Variants in NFIB observed in about 807,000 individuals in gnomAD.
NFIB encodes nuclear factor 1 B-type.
A neutral mutation model predicts 61.5 loss-of-function variants in NFIB; 11 were observed. The ratio of observed to expected loss-of-function variants is 0.18; its 90% CI spans 0.11 to 0.30. The LOEUF (loss-of-function observed/expected upper bound fraction) is 0.30, where lower values mean the gene tolerates loss of function less well. Ranked by LOEUF, NFIB falls within the 10% of genes least tolerant of loss-of-function variation. The probability of loss-of-function intolerance (pLI) is 1.00; values close to 1 mark genes in which losing one functional copy is unlikely to be tolerated. For missense variants in NFIB, 471 were observed against 608.9 expected, an observed-to-expected ratio of 0.77 and a Z score of 2.38; for synonymous variants, 260 against 216.5, an observed-to-expected ratio of 1.20 and a Z score of -1.76.
chr9:14,144,185 T>C (rs1439218822), intron 6 of NFIB, among the ~76,000 whole-genome samples: 1 of 152,142 alleles, frequency 6.6e-6, no homozygotes, highest in Non-Finnish European at 1.5e-5. Flanking sequence ...CAGTTTCCCT[T>C]CTACTTTTCA....
chr9:14,514,605 C>A, the NFIB span, among the ~76,000 whole-genome samples: 1 of 152,116 alleles, frequency 6.6e-6, no homozygotes, highest in Non-Finnish European at 1.5e-5. Context: ...TGTTAGAGAA[C>A]TGAAGGAGAT....
chr9:14,521,798 A>T, the NFIB span, among the ~76,000 whole-genome samples: 2 of 152,190 alleles, frequency 1.3e-5, no homozygotes, highest in African/African-American at 4.8e-5. Flanking sequence ...CCAGAGATTG[A>T]GGTGCTATCC....
chr9:14,282,368 T>C (rs778986410), intron 2 of NFIB, among the ~76,000 whole-genome samples: 34 of 152,150 alleles, frequency 2.2e-4, no homozygotes, highest in Non-Finnish European at 4.7e-4. Context: ...TGTTCTCAGA[T>C]AAAAAATCGT....
At chr9:14,170,264 T>C (rs1254700865) in intron 3 of NFIB, among the ~76,000 whole-genome samples, 3 of 152,248 alleles carry the variant, frequency 2.0e-5, no homozygotes, top group Middle Eastern at 6.8e-3. Flanking sequence ...ATTGTAGCTG[T>C]ATGTGGCAAA....
At chr9:14,479,362 A>G in the NFIB span, among the ~76,000 whole-genome samples, 1 of 152,210 alleles carries the variant, frequency 6.6e-6, no homozygotes, top group African/African-American at 2.4e-5. Flanking sequence ...TCCAAATGAA[A>G]CTTCTTCGGA....
intron 2 of NFIB, among the ~76,000 whole-genome samples, chr9:14,284,655 A>G (rs1033627295): frequency 6.6e-6 from 1 of 152,238 alleles, no homozygotes; most frequent in Non-Finnish European, 1.5e-5. Flanking sequence ...TCATAACAGA[A>G]AGAGCCCAGA....
At chr9:14,353,853 C>CTTT (rs59303621) in intron 1 of NFIB, among the ~76,000 whole-genome samples, 2 of 118,746 alleles carry the variant, frequency 1.7e-5, no homozygotes, top group African/African-American at 3.1e-5. Flanking sequence ...GGGGTTTTGT[C>CTTT]TTTTTTTTTT....
chr9:14,380,982 A>T (rs1335789731), intron 1 of NFIB, among the ~76,000 whole-genome samples: 1 of 142,406 alleles, frequency 7.0e-6, no homozygotes, highest in East Asian at 2.2e-4. Flanking sequence ...TTCATTGTTC[A>T]TCTGATTTCC....
intron 5 of NFIB, among the ~76,000 whole-genome samples, chr9:14,147,021 C>CT (rs1446417900): frequency 2.0e-5 from 3 of 152,050 alleles, no homozygotes; most frequent in Non-Finnish European, 4.4e-5. Flanking sequence ...CCTAACCTGT[C>CT]TAACAAATAT....
chr9:14,125,827 C>A (rs899063756), intron 6 of NFIB, 61 bp from the exon 7 acceptor site: 10 of 1,573,182 alleles, frequency 6.4e-6, no homozygotes, highest in Non-Finnish European at 8.6e-6. Flanking sequence ...AGGTTCATGT[C>A]AACAAATGAC....
At chr9:14,473,190 G>A in the NFIB span, among the ~76,000 whole-genome samples, 2 of 152,194 alleles carry the variant, frequency 1.3e-5, no homozygotes, top group African/African-American at 4.8e-5. Flanking sequence ...CAGAAACACT[G>A]AAGGACAGGC....
chr9:14,138,803 C>T (rs1257628145), intron 6 of NFIB, among the ~76,000 whole-genome samples: 3 of 152,004 alleles, frequency 2.0e-5, no homozygotes, highest in South Asian at 2.1e-4. Flanking sequence ...CAAACTCTTC[C>T]CCACATTTAT....
intron 1 of NFIB, among the ~76,000 whole-genome samples, chr9:14,371,415 A>G (rs1206253808): frequency 6.6e-6 from 1 of 152,194 alleles, no homozygotes; most frequent in Non-Finnish European, 1.5e-5. Flanking sequence ...TGTTTTGAAG[A>G]AGGTCAGATC....
chr9:14,262,181 C>A (rs2056820974), intron 2 of NFIB, among the ~76,000 whole-genome samples: 1 of 152,138 alleles, frequency 6.6e-6, no homozygotes, highest in Admixed American at 6.5e-5. Flanking sequence ...CACAGGCCAC[C>A]TATTTGATGG....
intron 3 of NFIB, among the ~76,000 whole-genome samples, chr9:14,169,204 T>C (rs183083768): frequency 6.6e-6 from 1 of 152,330 alleles, no homozygotes; most frequent in African/African-American, 2.4e-5. Context: ...GTTTGTTTCA[T>C]GACATTAACA....
chr9:14,314,790 A>AG (rs2060463332), upstream of NFIB, among the ~76,000 whole-genome samples: 1 of 125,564 alleles, frequency 8.0e-6, no homozygotes, highest in African/African-American at 3.0e-5. Flanking sequence ...CAGAACCATG[A>AG]CTTTTTTTTT....
At chr9:14,326,392 A>G (rs2031341675) in intron 1 of NFIB, among the ~76,000 whole-genome samples, 1 of 152,242 alleles carries the variant, frequency 6.6e-6, no homozygotes, top group Admixed American at 6.5e-5. Flanking sequence ...TGCCCAGGAC[A>G]GGCACACTGG....
chr9:14,303,289 G>A (rs543968646), intron 2 of NFIB, among the ~76,000 whole-genome samples: 4 of 152,290 alleles, frequency 2.6e-5, no homozygotes, highest in African/African-American at 9.6e-5. Context: ...CGTTAGGTTT[G>A]TCCTCCACAC....
the NFIB span, among the ~76,000 whole-genome samples, chr9:14,471,361 C>T: frequency 1.3e-5 from 2 of 152,188 alleles, no homozygotes; most frequent in East Asian, 1.9e-4. Flanking sequence ...TTGTCCTGTG[C>T]CTGAGCTTAT....
Sources: gnomAD v4.1 joint callset for allele counts (sites outside exome capture counted in the v4.1 genomes callset) on GRCh38, gnomAD v4.1.1 for gene constraint, MANE v1.5 for transcripts, NCBI Gene and HGNC (gene_info 2026-07-23, HGNC 2026-07-21) for gene names.